Variants in FOXP1 observed in about 807,000 individuals in gnomAD.
FOXP1 encodes the protein forkhead box protein P1.
In FOXP1, 15 loss-of-function variants were observed where a neutral mutation model predicts 98.2. The ratio of observed to expected loss-of-function variants is 0.15; its 90% CI spans 0.10 to 0.24. The LOEUF is 0.24. Among genes scored for constraint, FOXP1 ranks in the 10% least tolerant of loss-of-function variants. The pLI is 1.00. For synonymous variants in FOXP1, 371 were observed against 314.5 expected, an observed-to-expected ratio of 1.18 and a Z score of -1.90; for missense variants, 633 against 848.5, an observed-to-expected ratio of 0.75 and a Z score of 3.15.
chr3:71,439,056 C>T (rs915434818), intron 3 of FOXP1, among the ~76,000 whole-genome samples: 32 of 152,358 alleles, frequency 2.1e-4, no homozygotes, highest in African/African-American at 7.5e-4. Context: ...TCATCTTCCT[C>T]TCCACTGTTT....
At chr3:71,563,338 C>T (rs193292715) in intron 2 of FOXP1, among the ~76,000 whole-genome samples, 13 of 152,182 alleles carry the variant, frequency 8.5e-5, no homozygotes, top group Non-Finnish European at 1.5e-5. Context: ...TGGAGAGGCC[C>T]CCTAGGATGG....
chr3:71,179,993 T>G (rs1481285938), intron 6 of FOXP1, among the ~76,000 whole-genome samples: 1 of 152,206 alleles, frequency 6.6e-6, no homozygotes, highest in Non-Finnish European at 1.5e-5. Context: ...ATGGGATATT[T>G]TGTAGGCACT....
At chr3:70,989,069 T>A (rs1259141492) in intron 13 of FOXP1, among the ~76,000 whole-genome samples, 1 of 152,226 alleles carries the variant, frequency 6.6e-6, no homozygotes, top group Non-Finnish European at 1.5e-5. Context: ...TTCTGTCACA[T>A]AATTAACCTT....
intron 5 of FOXP1, among the ~76,000 whole-genome samples, chr3:71,253,151 A>G (rs2068346447): frequency 6.6e-6 from 1 of 152,234 alleles, no homozygotes; most frequent in Non-Finnish European, 1.5e-5. Context: ...GGTCAAAAAA[A>G]TCCTTCAAGG....
At chr3:71,132,429 T>C (rs944725656) in intron 6 of FOXP1, among the ~76,000 whole-genome samples, 2 of 152,072 alleles carry the variant, frequency 1.3e-5, no homozygotes, top group Non-Finnish European at 2.9e-5. Context: ...CTCAGAGACA[T>C]GCAATTAAAA....
intron 19 of FOXP1, chr3:70,969,543 T>C (rs1053928655): frequency 6.6e-6 from 1 of 152,166 alleles, no homozygotes; most frequent in Non-Finnish European, 1.5e-5. Context: ...TCCATAAATA[T>C]CTGTTTAATG....
At chr3:71,389,113 A>G (rs1043984010) in intron 3 of FOXP1, among the ~76,000 whole-genome samples, 4 of 151,948 alleles carry the variant, frequency 2.6e-5, no homozygotes, top group African/African-American at 7.3e-5. Context: ...AAAATATTAC[A>G]TATCTTGAGG....
chr3:71,503,038 T>C (rs977601272), intron 2 of FOXP1, among the ~76,000 whole-genome samples: 2 of 149,450 alleles, frequency 1.3e-5, no homozygotes, highest in Non-Finnish European at 3.0e-5. Context: ...CCTTCCATTA[T>C]TGGAAAAGGA....
chr3:71,419,028 A>T (rs1314163628), intron 3 of FOXP1, among the ~76,000 whole-genome samples: 1 of 151,610 alleles, frequency 6.6e-6, no homozygotes, highest in Non-Finnish European at 1.5e-5. Context: ...TGAGGTCAGG[A>T]GTTCAAGACC....
At chr3:71,449,880 C>A (rs1410464311) in intron 3 of FOXP1, among the ~76,000 whole-genome samples, 3 of 152,092 alleles carry the variant, frequency 2.0e-5, no homozygotes, top group African/African-American at 7.2e-5. Flanking sequence ...TAACTAAATA[C>A]AATCTCACAT....
chr3:71,360,791 C>T (rs2078506488), intron 3 of FOXP1: 1 of 152,142 alleles, frequency 6.6e-6, no homozygotes, highest in Non-Finnish European at 1.5e-5. Context: ...TGTGAATTTA[C>T]ATGTTTTTAA....
chr3:71,303,309 G>A (rs1169496541), intron 4 of FOXP1, among the ~76,000 whole-genome samples: 1 of 152,146 alleles, frequency 6.6e-6, no homozygotes, highest in Non-Finnish European at 1.5e-5. Flanking sequence ...TTGTGTACCA[G>A]TCTTAATAAA....
At chr3:71,412,418 C>A (rs1039031416) in intron 3 of FOXP1, among the ~76,000 whole-genome samples, 27 of 152,174 alleles carry the variant, frequency 1.8e-4, no homozygotes, top group Non-Finnish European at 1.5e-4. Context: ...GGGCCCCCAA[C>A]GCTGCTTCTC....
At chr3:71,202,539 G>A (rs888930954) in intron 5 of FOXP1, among the ~76,000 whole-genome samples, 1 of 152,130 alleles carries the variant, frequency 6.6e-6, no homozygotes, top group Non-Finnish European at 1.5e-5. Context: ...CTTGTAACAA[G>A]GCTAGGAGGG....
At chr3:71,244,394 C>T (rs956432444) in intron 5 of FOXP1, among the ~76,000 whole-genome samples, 3 of 151,994 alleles carry the variant, frequency 2.0e-5, no homozygotes, top group African/African-American at 7.3e-5. Flanking sequence ...TTGGCCCTCC[C>T]CCCGAAGCAC....
intron 3 of FOXP1, among the ~76,000 whole-genome samples, chr3:71,436,312 A>C (rs2085350069): frequency 6.6e-6 from 1 of 152,106 alleles, no homozygotes; most frequent in South Asian, 2.1e-4. Flanking sequence ...TGAAAATCCT[A>C]AGATGCAGCC....
Position 70,954,771 on chromosome 3 carries a change from A to G in FOXP1, c.*4476T>C, listed in dbSNP as rs1019981905. On this transcript the variant is annotated 3_prime_UTR_variant, in exon 21 of 21. Transcript: ENST00000649528. ...TTTGAGAATGCTTATAATGTCAGTA[A>G]TTAGTACTGACTACACAACATTTTT... 1 of 230,890 alleles carries G rather than the reference A, an allele frequency of 4.3e-6. No homozygotes were observed. Among genetic ancestry groups the G allele is most frequent in the Non-Finnish European group, 8.6e-6 (1 of 116,568 alleles). The allele number at this position is 230,890 out of a possible 1,614,324, so 14.3% of individuals were successfully genotyped here. A position where few individuals can be genotyped will look rare whatever the true frequency, so the allele number is the denominator to read the frequency against.
At chr3:71,364,397 C>T (rs1203661427) in intron 3 of FOXP1, among the ~76,000 whole-genome samples, 2 of 152,190 alleles carry the variant, frequency 1.3e-5, no homozygotes, top group Non-Finnish European at 2.9e-5. Context: ...TTAACCTTCA[C>T]GTAGCCCAGT....
In FOXP1 at chr3:71,328,163, C is replaced by T. The variant is rs12330753; in HGVS notation, c.-72-28283G>A. 6.5e-3 allele frequency among the ~76,000 whole-genome samples: 996 copies of T among 152,288 alleles called. 13 individuals carry two copies. Among genetic ancestry groups the T allele is most frequent in the African/African-American group, 0.019 (782 of 41,550 alleles). ...AAGAATTTGGCAAACAGGCTGGGCA[C>T]TCATGCCTGTAATCTCGGCACTTTG... is the stretch of plus-strand genomic sequence containing the variant. On this transcript the variant is annotated intron_variant, in intron 4 of 20. Coordinates refer to ENST00000649528, the MANE Select transcript of FOXP1 (RefSeq NM_001349338.3).
Sources: gnomAD v4.1 joint callset for allele counts (sites outside exome capture counted in the v4.1 genomes callset) on GRCh38, gnomAD v4.1.1 for gene constraint, MANE v1.5 for transcripts, NCBI Gene and HGNC (gene_info 2026-07-23, HGNC 2026-07-21) for gene names.